Variants in MASP1 observed in about 807,000 individuals in gnomAD.
MASP1 encodes the protein MBL associated serine protease 1, also known as mannan-binding lectin serine protease 1.
MASP1 carries 59 observed loss-of-function variants against 77.1 expected under a neutral mutation model. The observed-to-expected ratio is 0.77, with a 90% CI of 0.62 to 0.95. MASP1 has a LOEUF of 0.95. Ranked by LOEUF, MASP1 falls within the 40% of genes least tolerant of loss-of-function variation. MASP1 has a pLI of 0.00. For missense variants in MASP1, 885 were observed against 912.9 expected (o/e 0.97, Z 0.39); for synonymous variants, 362 against 354.5 (o/e 1.02, Z -0.24).
At chr3:187,222,384 C>T (rs1712115898) in intron 14 of MASP1, among the ~76,000 whole-genome samples, 1 of 152,176 alleles carries the variant, frequency 6.6e-6, no homozygotes, top group South Asian at 2.1e-4. Flanking sequence ...CAAGGAAACA[C>T]CAAATAGACC....
intron 2 of MASP1, among the ~76,000 whole-genome samples, chr3:187,267,989 A>G (rs1351314926): frequency 2.0e-5 from 3 of 152,242 alleles, no homozygotes; most frequent in Non-Finnish European, 4.4e-5. Flanking sequence ...GTCTGACTGA[A>G]ATAGTTATTG....
chr3:187,240,846 G>A (rs1713577859), intron 10 of MASP1, among the ~76,000 whole-genome samples: 1 of 152,096 alleles, frequency 6.6e-6, no homozygotes. Flanking sequence ...GTGTTGACCA[G>A]GCTGGTCTTG....
chr3:187,226,313 G>T, intron 12 of MASP1: 2 of 908,386 alleles, frequency 2.2e-6, no homozygotes, highest in Non-Finnish European at 3.6e-6. Flanking sequence ...ATGAGTGAGC[G>T]AGTGAGTGAG....
At chr3:187,274,894 G>C (rs1716834015) in intron 2 of MASP1, among the ~76,000 whole-genome samples, 2 of 151,344 alleles carry the variant, frequency 1.3e-5, no homozygotes, top group African/African-American at 4.8e-5. Context: ...GTCCTGCCAA[G>C]AGCCTGGGAA....
intron 5 of MASP1, 22 bp downstream of exon 5, chr3:187,256,642 C>A: frequency 1.2e-6 from 2 of 1,612,890 alleles, no homozygotes; most frequent in Non-Finnish European, 1.7e-6. Context: ...ATCTCCAGGA[C>A]AAGTGTTCAT....
intron 13 of MASP1, among the ~76,000 whole-genome samples, chr3:187,224,408 G>A (rs940859482): frequency 2.8e-4 from 42 of 147,900 alleles, no homozygotes; most frequent in African/African-American, 8.3e-4. Flanking sequence ...GTGCAGTGGC[G>A]GGATCTCGGC....
intron 13 of MASP1, among the ~76,000 whole-genome samples, chr3:187,224,437 C>T (rs1390283676): frequency 1.3e-5 from 2 of 149,946 alleles, no homozygotes; most frequent in South Asian, 2.1e-4. Context: ...AGCTCCGCCT[C>T]CCGGGTTCAC....
intron 9 of MASP1, chr3:187,242,562 G>A (rs911324976): frequency 1.0e-4 from 16 of 152,592 alleles, no homozygotes; most frequent in Admixed American, 9.2e-4. Context: ...TGAGTCAGGA[G>A]AATGTTCTCA....
chr3:187,282,688 A>G (rs1434487553), intron 2 of MASP1, among the ~76,000 whole-genome samples: 1 of 152,142 alleles, frequency 6.6e-6, no homozygotes, highest in Non-Finnish European at 1.5e-5. Context: ...GAGCACCAGT[A>G]GTCAGCCAAC....
intron 5 of MASP1, among the ~76,000 whole-genome samples, chr3:187,255,402 A>G (rs537177297): frequency 9.8e-5 from 15 of 152,304 alleles, no homozygotes; most frequent in Admixed American, 7.8e-4. Context: ...TTGGAAGTTG[A>G]TTCTTCTCCA....
intron 7 of MASP1, 104 bp downstream of exon 7, chr3:187,251,530 C>T: frequency 2.2e-6 from 2 of 912,752 alleles, no homozygotes; most frequent in East Asian, 4.8e-5. Context: ...AAATTCTGTG[C>T]TGGAACTATG....
chr3:187,243,690 A>C, intron 8 of MASP1, 69 bp from the exon 9 acceptor site: 1 of 1,583,444 alleles, frequency 6.3e-7, no homozygotes. Context: ...TGATGGATCT[A>C]TCTCATGCAG....
Position 187,264,405 on chromosome 3 carries a change from T to C in MASP1, c.238-1685A>G, listed in dbSNP as rs184430214. Among the ~76,000 whole-genome samples, 1,206 of 152,184 alleles carry C rather than the reference T, an allele frequency of 7.9e-3. 11 individuals are homozygous for C. Among genetic ancestry groups the C allele is most frequent in the Middle Eastern group, 0.014 (4 of 294 alleles). On this transcript the variant is annotated intron_variant, in intron 2 of 10. Transcript: ENST00000296280. ...CTCCCAGCTGCTGTGTTATTTTATC[T>C]GACTCAGTTTTCCAGATAGCCAAAG...
chr3:187,241,538 CAGAACAGGTATATATACCTGGATTAG>C lies in MASP1; in HGVS notation c.1229-9_1245del, dbSNP rs774189613. 3.7e-6 allele frequency: 6 copies of C among 1,613,244 alleles called. No individual in the cohort carries two copies. The highest frequency in any genetic ancestry group is 3.3e-5 in the Admixed American group (2 of 59,994). ...ACTTTATTCATCCAGACTCCTTGGGCAGAACAGGTATATATACCTGGATTAGTGAAAGAGGTTAGGAGAGGAGGGAG... is the reference window on the plus strand; with the variant it reads ...ACTTTATTCATCCAGACTCCTTGGGCTGAAAGAGGTTAGGAGAGGAGGGAG... On this transcript the variant is annotated splice_acceptor_variant and splice_polypyrimidine_tract_variant and coding_sequence_variant and intron_variant, in exon 10 of 11. Transcript: ENST00000296280. LOFTEE classifies it high-confidence loss of function.
intron 5 of MASP1, 152 bp downstream of exon 5, chr3:187,256,512 G>T: frequency 1.3e-6 from 1 of 752,418 alleles, no homozygotes. Context: ...TAACTAAGAT[G>T]GTAGATATTA....
At chr3:187,286,224 G>A (rs1717847624) in intron 1 of MASP1, 168 bp from the exon 2 acceptor site, 1 of 646,122 alleles carries the variant, frequency 1.5e-6, no homozygotes, top group Non-Finnish European at 2.7e-6. Context: ...TGGGAATATA[G>A]TAACTAGATA....
At chr3:187,240,688 A>G (rs999780236) in intron 10 of MASP1, among the ~76,000 whole-genome samples, 2 of 152,106 alleles carry the variant, frequency 1.3e-5, no homozygotes, top group Non-Finnish European at 2.9e-5. Context: ...CTGGAGTGCA[A>G]TGGTGCAATC....
chr3:187,236,410 G>C lies in MASP1; in HGVS notation c.1461C>G (p.Leu487=), dbSNP rs769205511. The C allele has an allele frequency of 1.2e-6, 2 of 1,614,122 alleles. No individual in the cohort carries two copies. The highest frequency in any genetic ancestry group is 2.2e-5 in the East Asian group (1 of 44,892). ...NDKWFGSGAL[L]SASWILTAAH... is the part of the protein sequence containing the mutation. ...CTGCTGTGAGGATCCAGGACGCAGA[G>C]AGCAGGGCCCCACTCCCAAACCACT... is the stretch of plus-strand genomic sequence containing the variant. The change falls in exon 11 of 11, where the codon CTC becomes CTG. Residue 487 remains leucine (L), a synonymous_variant. Coordinates refer to ENST00000296280, the MANE Select transcript of MASP1 (RefSeq NM_139125.4).
chr3:187,236,125 C>G lies in MASP1; in HGVS notation c.1746G>C (p.Pro582=), dbSNP rs3821805. ...CCACCAGGCCCAGCATGTGGGGGGC[C>G]GGGCCTTCAGGCTCAAGCCTTGGCA... ...VCLPRLEPEG[P]APHMLGLVAG... is the part of the protein sequence containing the mutation. The change falls in exon 11 of 11, where the codon CCG becomes CCC. Residue 582 remains proline (P), a synonymous_variant. Transcript: ENST00000296280. The G allele has an allele frequency of 1.2e-6, 2 of 1,613,868 alleles. No individual in the cohort carries two copies. The highest frequency in any genetic ancestry group is 2.2e-5 in the South Asian group (2 of 91,080).
Sources: gnomAD v4.1 joint callset for allele counts (sites outside exome capture counted in the v4.1 genomes callset) on GRCh38, gnomAD v4.1.1 for gene constraint, MANE v1.5 for transcripts, NCBI Gene and HGNC (gene_info 2026-07-23, HGNC 2026-07-21) for gene names.